WDPCP: variants seen among roughly 807,000 people sequenced by gnomAD.
WDPCP encodes the protein WD repeat containing planar cell polarity effector, also known as WD repeat-containing and planar cell polarity effector protein fritz homolog.
In WDPCP, 71 loss-of-function variants were observed where a neutral mutation model predicts 93.1. That is an observed-to-expected ratio of 0.76 (90% CI 0.63 to 0.93). The LOEUF is 0.93. Among genes scored for constraint, WDPCP ranks in the 40% least tolerant of loss-of-function variants. The probability of loss-of-function intolerance (pLI) is 0.00; values close to 1 mark genes in which losing one functional copy is unlikely to be tolerated. For synonymous variants in WDPCP, 315 were observed against 315.0 expected (o/e 1.00, Z 0.00); for missense variants, 844 against 887.4 (o/e 0.95, Z 0.62).
upstream of WDPCP, among the ~76,000 whole-genome samples, chr2:63,831,578 A>ATTTGATATGTG (rs1671201542): frequency 6.6e-6 from 1 of 152,112 alleles, no homozygotes; most frequent in Non-Finnish European, 1.5e-5. Flanking sequence ...AAATGCCCAT[A>ATTTGATATGTG]CTAGTGATAT....
chr2:63,629,432 G>GTA (rs1490634798), intron 3 of WDPCP, among the ~76,000 whole-genome samples: 2 of 152,190 alleles, frequency 1.3e-5, no homozygotes, highest in Non-Finnish European at 2.9e-5. Flanking sequence ...AAATTTTACG[G>GTA]TATCAGTGGA....
At chr2:63,628,382 A>C (rs370893933) in intron 3 of WDPCP, among the ~76,000 whole-genome samples, 2 of 152,198 alleles carry the variant, frequency 1.3e-5, no homozygotes, top group African/African-American at 4.8e-5. Flanking sequence ...TTTTTGTATA[A>C]TATCAAATAT....
At chr2:63,568,456 C>T (rs202141758) in intron 1 of WDPCP, among the ~76,000 whole-genome samples, 11 of 152,014 alleles carry the variant, frequency 7.2e-5, no homozygotes, top group Admixed American at 1.3e-4. Context: ...CTATTTGAAA[C>T]GCTTGTTTCC....
chr2:63,285,258 G>A (rs912148314), intron 13 of WDPCP, among the ~76,000 whole-genome samples: 2 of 151,994 alleles, frequency 1.3e-5, no homozygotes, highest in African/African-American at 4.8e-5. Flanking sequence ...CTGAAACCCC[G>A]GCTCTACTAA....
chr2:63,684,127 T>G (rs1018884799), intron 2 of WDPCP, among the ~76,000 whole-genome samples: 6 of 152,164 alleles, frequency 3.9e-5, no homozygotes, highest in Admixed American at 2.0e-4. Flanking sequence ...ATAAACCTAG[T>G]AGATACTTAC....
intron 10 of WDPCP, among the ~76,000 whole-genome samples, chr2:63,394,127 AT>A (rs1693515339): frequency 1.3e-5 from 2 of 152,164 alleles, no homozygotes; most frequent in Admixed American, 1.3e-4. Context: ...AGGAGAAGAT[AT>A]TTGCAAATTA....
intron 14 of WDPCP, among the ~76,000 whole-genome samples, chr2:63,196,986 G>T (rs1559193564): frequency 6.6e-6 from 1 of 152,154 alleles, no homozygotes. Flanking sequence ...ATGGAAGAAG[G>T]ATTGGTACAA....
chr2:63,782,187 G>A (rs1472136678), intron 2 of WDPCP, among the ~76,000 whole-genome samples: 2 of 152,018 alleles, frequency 1.3e-5, no homozygotes, highest in Non-Finnish European at 2.9e-5. Flanking sequence ...AGACTTAAAC[G>A]TAAGACTTGA....
chr2:63,795,212 A>C (rs72889399), intron 2 of WDPCP, among the ~76,000 whole-genome samples: 16,205 of 152,160 alleles, frequency 0.11, 1,475 homozygotes, highest in African/African-American at 0.25. Flanking sequence ...ACAACCCCAA[A>C]ATTGTGGAGT....
chr2:63,722,845 C>G (rs1405763265), intron 2 of WDPCP, among the ~76,000 whole-genome samples: 1 of 151,878 alleles, frequency 6.6e-6, no homozygotes, highest in African/African-American at 2.4e-5. Flanking sequence ...AATAGAAAGG[C>G]GAGAAAGGTG....
chr2:63,238,874 T>A (rs1442167581), intron 14 of WDPCP, among the ~76,000 whole-genome samples: 1 of 152,164 alleles, frequency 6.6e-6, no homozygotes, highest in Non-Finnish European at 1.5e-5. Context: ...CAACTAGCTC[T>A]CCACAAACCA....
chr2:63,790,030 T>C lies in WDPCP; in HGVS notation n.308+23592A>G, dbSNP rs76775291. On this transcript the variant is annotated intron_variant and non_coding_transcript_variant, in intron 2 of 4. Coordinates refer to the WDPCP transcript ENST00000467687. Reference sequence around the variant, plus strand: ...AAATAATGTTTAACCTCAAAATTTCTAGATTGCTTCATCAAGTGCTAGAAG... The same window carrying C: ...AAATAATGTTTAACCTCAAAATTTCCAGATTGCTTCATCAAGTGCTAGAAG... Among the ~76,000 whole-genome samples, 82 of 152,350 alleles carry C rather than the reference T, an allele frequency of 5.4e-4. No homozygotes were observed. The East Asian group carries it at 0.013, about 24-fold the overall frequency.
intron 14 of WDPCP, among the ~76,000 whole-genome samples, chr2:63,190,235 T>G (rs913249466): frequency 1.3e-5 from 2 of 151,894 alleles, no homozygotes. Flanking sequence ...CAAGACCAGC[T>G]TGGGCAACAT....
chr2:63,608,081 C>T (rs1396463158), intron 3 of WDPCP, among the ~76,000 whole-genome samples: 1 of 151,904 alleles, frequency 6.6e-6, no homozygotes, highest in Admixed American at 6.6e-5. Context: ...TAAAGGTTTA[C>T]GCTTTGTAGA....
intron 9 of WDPCP, among the ~76,000 whole-genome samples, chr2:63,417,836 A>G (rs1479411245): frequency 6.6e-6 from 1 of 150,548 alleles, no homozygotes; most frequent in Non-Finnish European, 1.5e-5. Context: ...AAATTTTGAA[A>G]TAAGACATTT....
intron 13 of WDPCP, among the ~76,000 whole-genome samples, chr2:63,271,749 A>G (rs1261014507): frequency 6.6e-6 from 1 of 152,066 alleles, no homozygotes; most frequent in Non-Finnish European, 1.5e-5. Flanking sequence ...CATCCCACCC[A>G]CCAACACTAG....
chr2:63,146,032 G>T (rs543539755), intron 17 of WDPCP, among the ~76,000 whole-genome samples: 1 of 152,298 alleles, frequency 6.6e-6, no homozygotes, highest in African/African-American at 2.4e-5. Context: ...GTATAGGAAT[G>T]CTAGTCATTT....
rs1029589424 is a variant in WDPCP, at chr2:63,732,946, G to C, written n.308+80676C>G. On this transcript the variant is annotated intron_variant and non_coding_transcript_variant, in intron 2 of 4. Transcript: ENST00000467687. Reference sequence around the variant, plus strand: ...CAGGAGAATTGGACATACATGCACAGTACTGGAGAACTGGGCAAAATGTAT... The same window carrying C: ...CAGGAGAATTGGACATACATGCACACTACTGGAGAACTGGGCAAAATGTAT... Among the ~76,000 whole-genome samples the C allele has an allele frequency of 1.6e-4, 25 of 152,290 alleles. No individual in the cohort carries two copies. The East Asian group carries it at 3.5e-3, about 21-fold the overall frequency.
chr2:63,189,363 C>G (rs951773692), intron 14 of WDPCP, among the ~76,000 whole-genome samples: 2 of 152,172 alleles, frequency 1.3e-5, no homozygotes, highest in Non-Finnish European at 2.9e-5. Flanking sequence ...AACTCTCTTA[C>G]CCTCTCAGGC....
Sources: gnomAD v4.1 joint callset for allele counts (sites outside exome capture counted in the v4.1 genomes callset) on GRCh38, gnomAD v4.1.1 for gene constraint, MANE v1.5 for transcripts, NCBI Gene and HGNC (gene_info 2026-07-23, HGNC 2026-07-21) for gene names.